SBK1: variants seen among roughly 807,000 people sequenced by gnomAD.
SBK1 encodes SH3 domain binding kinase 1, also known as serine/threonine-protein kinase SBK1.
Under a neutral mutation model 24.4 loss-of-function variants are expected in SBK1, and 11 were observed. The ratio of observed to expected loss-of-function variants is 0.45; its 90% CI spans 0.28 to 0.75. The LOEUF is 0.75. Among genes scored for constraint, SBK1 ranks in the 30% least tolerant of loss-of-function variants. The pLI is 0.12. For synonymous variants in SBK1, 308 were observed against 284.4 expected, an observed-to-expected ratio of 1.08 and a Z score of -0.83; for missense variants, 467 against 620.5, an observed-to-expected ratio of 0.75 and a Z score of 2.63.
intron 1 of SBK1, among the ~76,000 whole-genome samples, chr16:28,269,768 C>G (rs977000954): frequency 6.6e-6 from 1 of 151,690 alleles, no homozygotes; most frequent in Non-Finnish European, 1.5e-5. Context: ...CCCAGCTACT[C>G]TCAAGGCTGA....
intron 1 of SBK1, among the ~76,000 whole-genome samples, chr16:28,269,158 T>A (rs141612920): frequency 0.015 from 2,242 of 151,256 alleles, 47 homozygotes; most frequent in African/African-American, 0.05. Flanking sequence ...CTCAGCCTCC[T>A]GAGTAGCTGG....
intron 1 of SBK1, among the ~76,000 whole-genome samples, chr16:28,271,427 C>A (rs1046179148): frequency 6.6e-6 from 1 of 152,008 alleles, no homozygotes; most frequent in Non-Finnish European, 1.5e-5. Context: ...CATGGTGGCA[C>A]ACGCCTGTAA....
Position 28,293,185 on chromosome 16 carries a change from G to T in SBK1, c.-123G>T. 1.0e-6 allele frequency: 1 copy of T among 985,502 alleles called. No individual in the cohort carries two copies. Among genetic ancestry groups the T allele is most frequent in the Non-Finnish European group, 1.2e-6 (1 of 829,980 alleles). The allele number at this position is 985,502 out of a possible 1,614,324, so 61.0% of individuals were successfully genotyped here. On this transcript the variant is annotated 5_prime_UTR_variant, in exon 1 of 4. Transcript: ENST00000341901. Reference sequence around the variant, plus strand: ...GACTTGGGCGACTGAGCCCCTGGCGGCACCGCTTGCACCCCGGTCCATGGT... The same window carrying T: ...GACTTGGGCGACTGAGCCCCTGGCGTCACCGCTTGCACCCCGGTCCATGGT...
At chr16:28,295,782 T>C (rs4788058) in intron 1 of SBK1, among the ~76,000 whole-genome samples, 19,026 of 152,088 alleles carry the variant, frequency 0.13, 1,656 homozygotes, top group African/African-American at 0.23. Flanking sequence ...TGTGGCAACC[T>C]CAGGCCACAG....
At position 28,315,196 on chromosome 16, in the gene SBK1, T is replaced by G. The variant is rs1596553678; in HGVS notation, c.-7-2189T>G. Among the ~76,000 whole-genome samples the G allele has an allele frequency of 2.0e-5, 3 of 147,872 alleles. No homozygotes were observed. In the South Asian group the frequency reaches 6.4e-4, roughly 31 times the overall value. On this transcript the variant is annotated intron_variant, in intron 1 of 3. Coordinates refer to ENST00000341901, the MANE Select transcript of SBK1 (RefSeq NM_001024401.3). The stretch of plus-strand genomic sequence containing the variant: ...CCTCTCTCCATTTACAGATGAGAAA[T>G]GAATGCCCAGAGTGGTTGCCTGGAA...
At chr16:28,318,854 G>T in intron 2 of SBK1, 141 bp from the exon 3 acceptor site, 1 of 726,450 alleles carries the variant, frequency 1.4e-6, no homozygotes, top group South Asian at 1.6e-5. Flanking sequence ...CTCTCTCTGG[G>T]TCTGTTCCCA....
At chr16:28,315,017 G>T (rs1039168485) in intron 1 of SBK1, among the ~76,000 whole-genome samples, 7 of 152,264 alleles carry the variant, frequency 4.6e-5, no homozygotes, top group Admixed American at 2.0e-4. Flanking sequence ...AGTGCAGGGA[G>T]GGTAGAGGGA....
In SBK1 at chr16:28,319,822, AGAGCCGCGTGTCCCTCCTG is replaced by A. The variant is rs1341778408; in HGVS notation, c.430-248_430-230del. ...GCGGACCCCCTCATCAACCTCCTGG[AGAGCCGCGTGTCCCTCCTG>A]GAGCCCCGATGTCCCCATAGGAGAA... On this transcript the variant is annotated intron_variant, in intron 3 of 3. Coordinates refer to ENST00000341901, the MANE Select transcript of SBK1 (RefSeq NM_001024401.3). The surrounding 1 kb of genome is among the most constrained non-coding windows in gnomAD (Gnocchi z 4.0). Among the ~76,000 whole-genome samples the A allele has an allele frequency of 6.6e-6, 1 of 152,030 alleles. No homozygotes were observed. Among genetic ancestry groups the A allele is most frequent in the Non-Finnish European group, 1.5e-5 (1 of 67,976 alleles).
At chr16:28,270,220 G>C (rs1029637705) in intron 1 of SBK1, among the ~76,000 whole-genome samples, 4 of 151,318 alleles carry the variant, frequency 2.6e-5, no homozygotes, top group Admixed American at 1.3e-4. Flanking sequence ...CACCCCCACA[G>C]CCAGATAATT....
In SBK1 at chr16:28,266,914, AT is replaced by A. The variant is rs546482374; in HGVS notation, c.257+7422del. ...CGCCACACACCACGGCTAATTTTAA[AT>A]TTTTTTTTTCAGACAGAGTCTCACT... On this transcript the variant is annotated intron_variant, in intron 1 of 3. Transcript: ENST00000671413. 1.0e-3 allele frequency among the ~76,000 whole-genome samples: 149 copies of A among 147,710 alleles called. 1 individual carries two copies. The highest frequency in any genetic ancestry group is 3.5e-3 in the African/African-American group (141 of 40,198).
chr16:28,290,471 G>A (rs1431624787), upstream of SBK1: 1 of 152,180 alleles, frequency 6.6e-6, no homozygotes, highest in East Asian at 1.9e-4. Context: ...CCCGTCTGTA[G>A]TAAAAATACA....
intron 1 of SBK1, among the ~76,000 whole-genome samples, chr16:28,267,010 G>A (rs1260186083): frequency 3.3e-5 from 5 of 151,868 alleles, no homozygotes; most frequent in African/African-American, 4.8e-5. Context: ...GGGTTCAATC[G>A]ATTCTCCTGC....
At chr16:28,279,026 G>C (rs1348406454) in intron 1 of SBK1, among the ~76,000 whole-genome samples, 1 of 152,128 alleles carries the variant, frequency 6.6e-6, no homozygotes, top group Non-Finnish European at 1.5e-5. Context: ...AGGAGTTCAA[G>C]ACTAGCCTGA....
upstream of SBK1, among the ~76,000 whole-genome samples, chr16:28,288,391 A>G (rs2044579397): frequency 6.6e-6 from 1 of 152,098 alleles, no homozygotes; most frequent in South Asian, 2.1e-4. Flanking sequence ...CAGGGCCGTC[A>G]CCTTCCATCC....
At position 28,282,480 on chromosome 16, in the gene SBK1, C is replaced by T. The variant is rs546180894; in HGVS notation, c.257+22978C>T. ...CGAACTTTGTGTCTCCTCTGTACCC[C>T]GGTCTCAGTAGGAATTTTACATTTG... On this transcript the variant is annotated intron_variant, in intron 1 of 3. Transcript: ENST00000671413. Among the ~76,000 whole-genome samples, 3 of 152,268 alleles carry T rather than the reference C, an allele frequency of 2.0e-5. No individual in the cohort carries two copies. In the South Asian group the frequency reaches 6.2e-4, roughly 32 times the overall value.
intron 1 of SBK1, among the ~76,000 whole-genome samples, chr16:28,282,927 A>ATTTG (rs71140963): frequency 8.8e-5 from 13 of 147,046 alleles, no homozygotes; most frequent in East Asian, 7.9e-4. Flanking sequence ...TTATTTATTT[A>ATTTG]TTTGTTTGTT....
intron 1 of SBK1, among the ~76,000 whole-genome samples, chr16:28,296,092 ATTTTTTTTTTT>A (rs35049604): frequency 8.3e-6 from 1 of 121,204 alleles, no homozygotes; most frequent in South Asian, 2.6e-4. Context: ...CATCCAGCTA[ATTTTTTTTTTT>A]TTTTTTTTTT....
upstream of SBK1, among the ~76,000 whole-genome samples, chr16:28,288,400 C>G (rs532397534): frequency 1.3e-5 from 2 of 152,312 alleles, no homozygotes; most frequent in Admixed American, 1.3e-4. Flanking sequence ...CACCTTCCAT[C>G]CCTTGCACTA....
In SBK1 at chr16:28,292,682, G is replaced by A. The variant is rs1188227442; in HGVS notation, c.-626G>A. ...GCGGCGGCGACCGAGCCCCCCAGCG[G>A]CTGAGGGGCTTCCAGCGCCCGCCGG... On this transcript the variant is annotated 5_prime_UTR_variant, in exon 1 of 4. Transcript: ENST00000341901. 3.0e-6 allele frequency: 3 copies of A among 984,384 alleles called. No homozygotes were observed. Among genetic ancestry groups the A allele is most frequent in the Non-Finnish European group, 3.6e-6 (3 of 829,432 alleles). 61.0% of individuals were successfully genotyped at this position (984,384 alleles called of 1,614,324 possible).
Sources: gnomAD v4.1 joint callset for allele counts (sites outside exome capture counted in the v4.1 genomes callset) on GRCh38, gnomAD v4.1.1 for gene constraint, Gnocchi (gnomAD v3.1) non-coding constraint, MANE v1.5 for transcripts, NCBI Gene and HGNC (gene_info 2026-07-23, HGNC 2026-07-21) for gene names.